The following HNF1B variants were observed in gnomAD, a reference collection of about 807,000 sequenced individuals.
HNF1B encodes the protein hepatocyte nuclear factor 1-beta.
Under a neutral mutation model 61.7 loss-of-function variants are expected in HNF1B, and 8 were observed. The ratio of observed to expected loss-of-function variants is 0.13; its 90% CI spans 0.08 to 0.23. The LOEUF (loss-of-function observed/expected upper bound fraction) is 0.23. Among genes scored for constraint, HNF1B ranks in the 10% least tolerant of loss-of-function variants. The pLI is 1.00. For missense variants in HNF1B, 562 were observed against 714.5 expected (o/e 0.79, Z 2.43); for synonymous variants, 314 against 287.7 (o/e 1.09, Z -0.93).
intron 6 of HNF1B, among the ~76,000 whole-genome samples, chr17:37,704,522 A>G (rs1392223732): frequency 6.6e-6 from 1 of 152,236 alleles, no homozygotes; most frequent in Non-Finnish European, 1.5e-5. Flanking sequence ...AGTGATAGGA[A>G]TGAACTCAAG....
At chr17:37,723,062 G>C (rs767148733) in intron 4 of HNF1B, among the ~76,000 whole-genome samples, 10 of 152,026 alleles carry the variant, frequency 6.6e-5, no homozygotes, top group Non-Finnish European at 1.3e-4. Context: ...AAAAATGGCC[G>C]GGCGCGGTGG....
chr17:37,689,828 G>A (rs1339738187), intron 8 of HNF1B, among the ~76,000 whole-genome samples: 1 of 152,162 alleles, frequency 6.6e-6, no homozygotes, highest in African/African-American at 2.4e-5. Context: ...TTCTTACGTC[G>A]ACCCTTTGAA....
chr17:37,699,884 C>A (rs1033521109), intron 7 of HNF1B, among the ~76,000 whole-genome samples: 7 of 152,228 alleles, frequency 4.6e-5, no homozygotes, highest in African/African-American at 1.7e-4. Flanking sequence ...CCCAAACCCA[C>A]AGCTTATCCG....
At chr17:37,731,220 T>C (rs2033670083) in intron 4 of HNF1B, 5 of 379,388 alleles carry the variant, frequency 1.3e-5, no homozygotes, top group Non-Finnish European at 2.5e-5. Flanking sequence ...TCCAACACAG[T>C]GAGGGTTGCC....
chr17:37,725,738 T>A (rs948091299), intron 4 of HNF1B, among the ~76,000 whole-genome samples: 2 of 152,242 alleles, frequency 1.3e-5, no homozygotes, highest in African/African-American at 4.8e-5. Flanking sequence ...ACTTTGCTGC[T>A]GAGATGAATA....
chr17:37,687,313 G>T lies in HNF1B; in HGVS notation c.*59C>A. 6.2e-7 allele frequency: 1 copy of T among 1,614,018 alleles called. No individual in the cohort carries two copies. The highest frequency in any genetic ancestry group is 8.5e-7 in the Non-Finnish European group (1 of 1,180,022). On this transcript the variant is annotated 3_prime_UTR_variant, in exon 9 of 9. Transcript: ENST00000617811. ...CTTTTCCATGACAGCTGCCCAGAGG[G>T]TGATGGTGTGGAAAACAGGGTCCTT...
chr17:37,694,498 TG>T (rs139308782), intron 8 of HNF1B, among the ~76,000 whole-genome samples: 9,135 of 134,716 alleles, frequency 0.068, 459 homozygotes, highest in African/African-American at 0.15. Flanking sequence ...GCTTTGGCAA[TG>T]GGTAACAGGC....
chr17:37,688,130 G>A (rs150984898), intron 8 of HNF1B, among the ~76,000 whole-genome samples: 31 of 152,296 alleles, frequency 2.0e-4, no homozygotes, highest in Middle Eastern at 3.4e-3. Flanking sequence ...CCTTGTGGGT[G>A]GGCCAGGGCA....
At chr17:37,733,513 T>A in intron 3 of HNF1B, 44 bp downstream of exon 3, 1 of 1,612,810 alleles carries the variant, frequency 6.2e-7, no homozygotes, top group Non-Finnish European at 8.5e-7. Context: ...TTCCTGGGTC[T>A]GTGTACTTGC....
chr17:37,710,376 G>T, intron 5 of HNF1B, 127 bp downstream of exon 5: 2 of 1,260,376 alleles, frequency 1.6e-6, no homozygotes, highest in Non-Finnish European at 1.2e-6. Context: ...TCCGACTCTG[G>T]ACAGCCCTCA....
chr17:37,710,946 A>G (rs1422189483), intron 4 of HNF1B, among the ~76,000 whole-genome samples: 1 of 152,236 alleles, frequency 6.6e-6, no homozygotes, highest in African/African-American at 2.4e-5. Context: ...GCCACTCGGT[A>G]AACTTCTGAT....
chr17:37,733,872 A>C, intron 2 of HNF1B, 51 bp from the exon 3 acceptor site: 1 of 618,734 alleles, frequency 1.6e-6, no homozygotes. Flanking sequence ...TTCACTCAGC[A>C]GACAGACAGA....
chr17:37,718,344 CA>C (rs1341822011), intron 4 of HNF1B, among the ~76,000 whole-genome samples: 1 of 152,164 alleles, frequency 6.6e-6, no homozygotes, highest in African/African-American at 2.4e-5. Context: ...AGGCAAACAT[CA>C]GGCAGTTTGC....
chr17:37,731,672 G>C lies in HNF1B; in HGVS notation c.968C>G (p.Thr323Ser), dbSNP rs754886423. 6.2e-7 allele frequency: 1 copy of C among 1,614,200 alleles called. No homozygotes were observed. Among genetic ancestry groups the C allele is most frequent in the South Asian group, 1.1e-5 (1 of 91,086 alleles). Residue 323 changes from threonine (T) to serine (S), a missense_variant, in exon 4 of 9, where the codon ACT becomes AGT. This residue lies in a region of HNF1B where 211 missense variants were observed against 200.7 expected (regional missense o/e 1.05). Coordinates refer to ENST00000617811, the MANE Select transcript of HNF1B (RefSeq NM_000458.4). ...LAMDAYSSNQ[T>S]HSLNPLLSHG... Reference sequence around the variant, plus strand: ...GGAGAGCAGAGGGTTCAGGCTGTGAGTCTGGTTGGAGCTATAGGCGTCCAT... The same window carrying C: ...GGAGAGCAGAGGGTTCAGGCTGTGACTCTGGTTGGAGCTATAGGCGTCCAT...
chr17:37,710,456 CTCTTA>C lies in HNF1B; in HGVS notation c.1206+42_1206+46del, dbSNP rs142240844. Reference sequence around the variant, plus strand: ...TTGTGAGAAGTTGTGTTTGTTTTGCCTCTTATCTTATCAGCTCCAGAGCGACAATG... The same window carrying C: ...TTGTGAGAAGTTGTGTTTGTTTTGCCTCTTATCAGCTCCAGAGCGACAATG... On this transcript the variant is annotated intron_variant, in intron 5 of 8. Coordinates refer to ENST00000617811, the MANE Select transcript of HNF1B (RefSeq NM_000458.4). The C allele has an allele frequency of 1.3e-4, 215 of 1,608,726 alleles. 1 individual carries two copies. The highest frequency in any genetic ancestry group is 1.4e-4 in the Non-Finnish European group (170 of 1,175,072).
chr17:37,689,727 T>G (rs1415846212), intron 8 of HNF1B, among the ~76,000 whole-genome samples: 1 of 152,206 alleles, frequency 6.6e-6, no homozygotes, highest in African/African-American at 2.4e-5. Context: ...CTAAGAGGAT[T>G]TGTTACATAA....
At chr17:37,723,750 A>G (rs2147516045) in intron 4 of HNF1B, among the ~76,000 whole-genome samples, 1 of 152,344 alleles carries the variant, frequency 6.6e-6, no homozygotes, top group South Asian at 2.1e-4. Flanking sequence ...AAAAAAACAA[A>G]AAAACAAAGA....
chr17:37,727,915 G>A (rs1230822279), intron 4 of HNF1B, among the ~76,000 whole-genome samples: 2 of 152,110 alleles, frequency 1.3e-5, no homozygotes, highest in African/African-American at 4.8e-5. Context: ...TTCGGGCCTT[G>A]TTCCCCCCAG....
intron 4 of HNF1B, among the ~76,000 whole-genome samples, chr17:37,717,157 C>T (rs999507907): frequency 2.0e-5 from 3 of 152,114 alleles, no homozygotes; most frequent in East Asian, 3.9e-4. Context: ...TGGCTTTTGG[C>T]ACTGAAACCT....
Sources: gnomAD v4.1 joint callset for allele counts (sites outside exome capture counted in the v4.1 genomes callset) on GRCh38, gnomAD v4.1.1 for gene constraint, gnomAD v4.1.1 regional missense constraint, MANE v1.5 for transcripts, NCBI Gene and HGNC (gene_info 2026-07-23, HGNC 2026-07-21) for gene names.